SNX4: variants seen among roughly 807,000 people sequenced by gnomAD.
The protein encoded by SNX4 is sorting nexin 4.
A neutral mutation model predicts 70.8 loss-of-function variants in SNX4; 49 were observed. That is an observed-to-expected ratio of 0.69 (90% CI 0.55 to 0.88). SNX4 has a LOEUF of 0.88. SNX4 is among the 40% of genes least tolerant of loss of function. SNX4 has a pLI of 0.00. For missense variants in SNX4, 528 were observed against 544.8 expected, an observed-to-expected ratio of 0.97 and a Z score of 0.31; for synonymous variants, 206 against 183.8, an observed-to-expected ratio of 1.12 and a Z score of -0.98.
At chr3:125,510,764 G>A (rs1472082775) in intron 1 of SNX4, among the ~76,000 whole-genome samples, 1 of 152,192 alleles carries the variant, frequency 6.6e-6, no homozygotes, top group African/African-American at 2.4e-5. Context: ...AGCTGCGGCA[G>A]GGGGAAATAG....
chr3:125,469,638 T>C (rs1934117860), intron 8 of SNX4, 119 bp from the exon 9 acceptor site: 4 of 678,354 alleles, frequency 5.9e-6, no homozygotes, highest in Non-Finnish European at 1.0e-5. Context: ...GCACCCGTAT[T>C]TGGGTTTATT....
At chr3:125,513,487 T>G (rs74832127) in intron 1 of SNX4, among the ~76,000 whole-genome samples, 1 of 151,768 alleles carries the variant, frequency 6.6e-6, no homozygotes, top group African/African-American at 2.4e-5. Context: ...GTTTGGCATA[T>G]GGCAAGAGCT....
rs142746568 is a variant in SNX4, at chr3:125,472,806, G to A, written c.789-3287C>T. On this transcript the variant is annotated intron_variant, in intron 8 of 13. Coordinates refer to ENST00000251775, the MANE Select transcript of SNX4 (RefSeq NM_003794.4). Reference sequence around the variant, plus strand: ...CACAACCACACAATTACACAAACTTGTTCTCAAAAAAGATACCTACTTCAC... The same window carrying A: ...CACAACCACACAATTACACAAACTTATTCTCAAAAAAGATACCTACTTCAC... Among the ~76,000 whole-genome samples the A allele has an allele frequency of 5.5e-4, 83 of 151,972 alleles. No homozygotes were observed. In the East Asian group the frequency reaches 0.012, roughly 23 times the overall value.
At position 125,517,559 on chromosome 3, in the gene SNX4, G is replaced by T. The variant is rs73862111; in HGVS notation, c.141+2473C>A. On this transcript the variant is annotated intron_variant, in intron 1 of 13. Transcript: ENST00000251775. ...TTTAGTTTGATTTTCTCTTTGAGGG[G>T]AGAGGAGGGGAAGGGGAAGGAATGC... is the stretch of plus-strand genomic sequence containing the variant. 8.1e-3 allele frequency among the ~76,000 whole-genome samples: 1,234 copies of T among 152,320 alleles called. 19 individuals carry two copies. Among genetic ancestry groups the T allele is most frequent in the African/African-American group, 0.028 (1,151 of 41,574 alleles).
chr3:125,480,222 CA>C, intron 7 of SNX4, 24 bp downstream of exon 7: 1 of 1,471,980 alleles, frequency 6.8e-7, no homozygotes, highest in Non-Finnish European at 9.1e-7. Context: ...GCATGTGCAT[CA>C]AAAAGCTTTT....
intron 7 of SNX4, among the ~76,000 whole-genome samples, chr3:125,478,073 CTAT>C (rs753250044): frequency 1.0e-4 from 14 of 136,170 alleles, no homozygotes; most frequent in Non-Finnish European, 1.0e-4. Context: ...ATTATTATTA[CTAT>C]TATTATTATT....
chr3:125,470,798 G>T (rs964873978), intron 8 of SNX4, among the ~76,000 whole-genome samples: 3 of 152,074 alleles, frequency 2.0e-5, no homozygotes, highest in African/African-American at 7.2e-5. Flanking sequence ...GTGCAAATAG[G>T]TTCTATTTGT....
chr3:125,506,617 T>G (rs1009628354), intron 1 of SNX4, among the ~76,000 whole-genome samples: 1 of 150,836 alleles, frequency 6.6e-6, no homozygotes, highest in Non-Finnish European at 1.5e-5. Flanking sequence ...GGGATTCTCC[T>G]GCCTTAGCCT....
chr3:125,475,814 A>C (rs965323695), intron 8 of SNX4, among the ~76,000 whole-genome samples: 2 of 152,076 alleles, frequency 1.3e-5, no homozygotes, highest in Admixed American at 1.3e-4. Context: ...CCATCTCTGC[A>C]AAAAAATACA....
intron 1 of SNX4, among the ~76,000 whole-genome samples, chr3:125,506,482 A>G (rs959118699): frequency 6.6e-6 from 1 of 150,938 alleles, no homozygotes; most frequent in Non-Finnish European, 1.5e-5. Flanking sequence ...CCAGGATTAC[A>G]GGCTTGTGCC....
intron 10 of SNX4, among the ~76,000 whole-genome samples, chr3:125,457,759 T>C (rs551422444): frequency 3.3e-4 from 50 of 152,052 alleles, no homozygotes; most frequent in African/African-American, 1.2e-3. Flanking sequence ...GTATTTTTAG[T>C]AGAGATGGGA....
intron 9 of SNX4, among the ~76,000 whole-genome samples, chr3:125,463,275 T>G (rs1933928215): frequency 6.6e-6 from 1 of 152,186 alleles, no homozygotes. Flanking sequence ...AAAAAAGTCT[T>G]GAGAATCACT....
chr3:125,513,892 C>A (rs1935220075), intron 1 of SNX4, among the ~76,000 whole-genome samples: 1 of 152,134 alleles, frequency 6.6e-6, no homozygotes, highest in Admixed American at 6.5e-5. Context: ...TTGTAAACAA[C>A]AGAAATTTAT....
intron 11 of SNX4, 24 bp from the exon 12 acceptor site, chr3:125,453,979 A>T: frequency 6.2e-7 from 1 of 1,605,460 alleles, no homozygotes; most frequent in East Asian, 2.2e-5. Flanking sequence ...GAAACAGATG[A>T]ATGGATAAAC....
chr3:125,468,809 A>G (rs1317748747), intron 9 of SNX4, among the ~76,000 whole-genome samples: 1 of 151,276 alleles, frequency 6.6e-6, no homozygotes, highest in East Asian at 1.9e-4. Context: ...TGATTGTACC[A>G]ATACCCTCCA....
At chr3:125,505,731 C>A (rs1935031069) in intron 1 of SNX4, among the ~76,000 whole-genome samples, 1 of 152,168 alleles carries the variant, frequency 6.6e-6, no homozygotes, top group Non-Finnish European at 1.5e-5. Flanking sequence ...CAGGGGACTT[C>A]AAAAGCCAGC....
chr3:125,454,062 C>CTACAACATACATACAACATGGATACAACA, intron 11 of SNX4, 107 bp from the exon 12 acceptor site: 1 of 865,088 alleles, frequency 1.2e-6, no homozygotes, highest in Non-Finnish European at 1.8e-6. Context: ...CTGATATATG[C>CTACAACATACATACAACATGGATACAACA]TACAACATGG....
chr3:125,517,657 A>T (rs1462492988), intron 1 of SNX4, among the ~76,000 whole-genome samples: 1 of 152,218 alleles, frequency 6.6e-6, no homozygotes, highest in East Asian at 1.9e-4. Context: ...CTCTTTATGA[A>T]TTACTAAATT....
At chr3:125,493,902 T>C (rs1252784975) in intron 5 of SNX4, among the ~76,000 whole-genome samples, 3 of 151,668 alleles carry the variant, frequency 2.0e-5, no homozygotes, top group African/African-American at 7.3e-5. Flanking sequence ...TCAGGCATGG[T>C]GGTGAGCGCC....
Sources: allele counts gnomAD v4.1 joint callset (sites outside exome capture counted in the v4.1 genomes callset), GRCh38; gene constraint gnomAD v4.1.1; transcripts MANE v1.5; gene names NCBI Gene and HGNC (gene_info 2026-07-23, HGNC 2026-07-21).